Variants in ALK observed in about 807,000 individuals in gnomAD.
ALK encodes ALK tyrosine kinase receptor.
In ALK, 74 loss-of-function variants were observed where a neutral mutation model predicts 163.1. The ratio of observed to expected loss-of-function variants is 0.45; its 90% CI spans 0.38 to 0.55. The LOEUF is 0.55. ALK is among the 20% of genes least tolerant of loss of function. The pLI, the probability that ALK is intolerant of heterozygous loss-of-function variation, is 0.00. For missense variants in ALK, 2,063 were observed against 2,105.3 expected (o/e 0.98, Z 0.39); for synonymous variants, 960 against 843.2 (o/e 1.14, Z -2.40).
chr2:29,490,033 G>A (rs1671864997), intron 4 of ALK, among the ~76,000 whole-genome samples: 1 of 152,254 alleles, frequency 6.6e-6, no homozygotes, highest in Non-Finnish European at 1.5e-5. Flanking sequence ...CTAGGGCATG[G>A]GCCAGGGATT....
chr2:29,311,973 T>C (rs1283845890), intron 8 of ALK, among the ~76,000 whole-genome samples: 1 of 151,834 alleles, frequency 6.6e-6, no homozygotes, highest in Admixed American at 6.6e-5. Context: ...CTGGTGGAGA[T>C]GGTGGACAGG....
intron 1 of ALK, among the ~76,000 whole-genome samples, chr2:29,885,386 G>A (rs1002432986): frequency 2.6e-5 from 4 of 152,114 alleles, no homozygotes; most frequent in East Asian, 3.9e-4. Flanking sequence ...AGAACATCAC[G>A]AAAGTCTGAA....
intron 1 of ALK, among the ~76,000 whole-genome samples, chr2:29,782,172 G>A (rs1444059251): frequency 6.6e-6 from 1 of 152,176 alleles, no homozygotes; most frequent in African/African-American, 2.4e-5. Flanking sequence ...AGAGTCTTAA[G>A]TAAGAGATTT....
intron 6 of ALK, among the ~76,000 whole-genome samples, chr2:29,325,576 G>A (rs1667230489): frequency 6.6e-6 from 1 of 152,182 alleles, no homozygotes; most frequent in Non-Finnish European, 1.5e-5. Flanking sequence ...GGGTGTGTCT[G>A]TGGCTAGGTT....
At chr2:29,770,177 T>C (rs934203585) in intron 1 of ALK, among the ~76,000 whole-genome samples, 2 of 152,174 alleles carry the variant, frequency 1.3e-5, no homozygotes, top group Non-Finnish European at 1.5e-5. Context: ...CTACCAAGTG[T>C]AGGAAGGAGT....
chr2:29,613,118 C>T (rs1675741717), intron 3 of ALK, among the ~76,000 whole-genome samples: 1 of 152,176 alleles, frequency 6.6e-6, no homozygotes, highest in Admixed American at 6.5e-5. Context: ...AATCCCCAAA[C>T]TAATTGTTTA....
At chr2:29,403,373 T>C (rs1034553851) in intron 4 of ALK, among the ~76,000 whole-genome samples, 3 of 152,112 alleles carry the variant, frequency 2.0e-5, no homozygotes, top group African/African-American at 7.2e-5. Context: ...CATTGTCCAG[T>C]GGGTTGCCTA....
At chr2:29,511,016 C>G (rs1240887969) in intron 4 of ALK, among the ~76,000 whole-genome samples, 3 of 152,162 alleles carry the variant, frequency 2.0e-5, no homozygotes, top group African/African-American at 7.2e-5. Flanking sequence ...CCCTTACACT[C>G]AATGCACTTG....
At chr2:29,908,493 C>A (rs1174760672) in intron 1 of ALK, among the ~76,000 whole-genome samples, 2 of 152,236 alleles carry the variant, frequency 1.3e-5, no homozygotes, top group Non-Finnish European at 2.9e-5. Context: ...TCTCAAATTA[C>A]CTCCTTCTGG....
chr2:29,275,244 C>A lies in ALK; in HGVS notation c.1913-17G>T, dbSNP rs763798074. 6.8e-6 allele frequency: 11 copies of A among 1,613,780 alleles called. 1 individual carries two copies. The highest frequency in any genetic ancestry group is 3.3e-4 in the Middle Eastern group (2 of 5,982). ...CTCCGCTAACTGCAATAGAGAAGAC[C>A]CCACGGGCTGAGTTAGGTGAGGGTT... On this transcript the variant is annotated splice_polypyrimidine_tract_variant and intron_variant, in intron 10 of 28. Coordinates refer to ENST00000389048, the MANE Select transcript of ALK (RefSeq NM_004304.5).
intron 5 of ALK, among the ~76,000 whole-genome samples, chr2:29,365,028 G>T (rs553011718): frequency 4.3e-4 from 65 of 152,244 alleles, no homozygotes; most frequent in Non-Finnish European, 8.5e-4. Context: ...TTCCTATTTT[G>T]CAATGAGAAA....
chr2:29,502,146 G>T (rs1672204812), intron 4 of ALK, among the ~76,000 whole-genome samples: 2 of 152,162 alleles, frequency 1.3e-5, no homozygotes, highest in African/African-American at 4.8e-5. Flanking sequence ...ACACGCTGGA[G>T]AATAAAACAG....
At chr2:29,854,427 A>G (rs1666087294) in intron 1 of ALK, among the ~76,000 whole-genome samples, 1 of 151,830 alleles carries the variant, frequency 6.6e-6, no homozygotes, top group Non-Finnish European at 1.5e-5. Context: ...CTCTCTTAAG[A>G]GCTCCCTCTT....
chr2:29,344,517 A>G (rs1230242269), intron 5 of ALK, among the ~76,000 whole-genome samples: 1 of 152,160 alleles, frequency 6.6e-6, no homozygotes, highest in Non-Finnish European at 1.5e-5. Context: ...CGATAGTCCC[A>G]GTTGAGCTCA....
chr2:29,711,399 C>T (rs1022939312), intron 2 of ALK, among the ~76,000 whole-genome samples: 67 of 152,204 alleles, frequency 4.4e-4, no homozygotes, highest in African/African-American at 1.5e-3. Flanking sequence ...CCTGGTCCTC[C>T]CTCCTCTGTG....
chr2:29,864,391 C>A (rs568783025), intron 1 of ALK, among the ~76,000 whole-genome samples: 57 of 152,300 alleles, frequency 3.7e-4, no homozygotes, highest in Non-Finnish European at 6.6e-4. Context: ...CCTGGCCTTC[C>A]TAAGTAGGCC....
chr2:29,205,634 G>A (rs1669291386), intron 26 of ALK, among the ~76,000 whole-genome samples: 1 of 152,064 alleles, frequency 6.6e-6, no homozygotes, highest in African/African-American at 2.4e-5. Flanking sequence ...ACTTGGGGCC[G>A]CATCTCCAGT....
rs1450281991 is a variant in ALK, at chr2:29,531,973, G to A, written c.1096C>T (p.Leu366=). 4.3e-6 allele frequency: 7 copies of A among 1,614,100 alleles called. No homozygotes were observed. The highest frequency in any genetic ancestry group is 5.9e-6 in the Non-Finnish European group (7 of 1,180,032). The change falls in exon 4 of 29, where the codon CTG becomes TTG. Residue 366 remains leucine (L), a synonymous_variant. Transcript: ENST00000389048. ...TCTCTTGCAGCCTCGTTGTGGGGCA[G>A]CAGCTGGGCAATGTACCTTCCAGAG... is the stretch of plus-strand genomic sequence containing the variant. ...QPSGRYIAQL[L]PHNEAAREIL...
At chr2:29,661,856 C>G (rs758462184) in intron 3 of ALK, among the ~76,000 whole-genome samples, 13 of 152,068 alleles carry the variant, frequency 8.5e-5, no homozygotes, top group Admixed American at 2.6e-4. Flanking sequence ...CTGTTGAACT[C>G]TTATATGTTT....
Sources: gnomAD v4.1 joint callset for allele counts (sites outside exome capture counted in the v4.1 genomes callset) on GRCh38, gnomAD v4.1.1 for gene constraint, MANE v1.5 for transcripts, NCBI Gene and HGNC (gene_info 2026-07-23, HGNC 2026-07-21) for gene names.